ROS1: variants seen among roughly 807,000 people sequenced by gnomAD.
The protein encoded by ROS1 is ROS proto-oncogene 1, receptor tyrosine kinase, also known as proto-oncogene tyrosine-protein kinase ROS.
A neutral mutation model predicts 273.5 loss-of-function variants in ROS1; 263 were observed. The observed-to-expected ratio is 0.96, with a 90% CI of 0.87 to 1.06. ROS1 has a LOEUF of 1.06. Among genes scored for constraint, ROS1 ranks in the 50% least tolerant of loss-of-function variants. ROS1 has a pLI of 0.00. For missense variants in ROS1, 2,833 were observed against 2,751.1 expected (o/e 1.03, Z -0.67); for synonymous variants, 1,008 against 954.1 (o/e 1.06, Z -1.04).
At chr6:117,356,284 T>C (rs559586415) in intron 26 of ROS1, among the ~76,000 whole-genome samples, 1 of 152,338 alleles carries the variant, frequency 6.6e-6, no homozygotes, top group African/African-American at 2.4e-5. Flanking sequence ...CTCAGTTTCC[T>C]CATCTGTAAA....
intron 12 of ROS1, among the ~76,000 whole-genome samples, chr6:117,391,578 G>T (rs1773071140): frequency 1.3e-5 from 2 of 152,170 alleles, no homozygotes; most frequent in Non-Finnish European, 2.9e-5. Flanking sequence ...TCTAATACCA[G>T]GACAATACAC....
chr6:117,412,612 ATAG>A (rs1775008112), intron 4 of ROS1, among the ~76,000 whole-genome samples: 1 of 91,068 alleles, frequency 1.1e-5, no homozygotes, highest in South Asian at 3.7e-4. Context: ...AGACAGATAG[ATAG>A]ATAGATAGAT....
chr6:117,390,784 CA>C (rs1773005492), intron 12 of ROS1, among the ~76,000 whole-genome samples: 1 of 151,996 alleles, frequency 6.6e-6, no homozygotes, highest in Non-Finnish European at 1.5e-5. Flanking sequence ...AGAAAGAAGC[CA>C]ACGGAAGAAT....
At chr6:117,398,951 C>T (rs1413946284) in intron 7 of ROS1, among the ~76,000 whole-genome samples, 2 of 148,300 alleles carry the variant, frequency 1.3e-5, no homozygotes, top group Non-Finnish European at 3.0e-5. Flanking sequence ...CCAGCCTGGG[C>T]AACAGCGAGA....
In ROS1 at chr6:117,389,840, G is replaced by T. The variant is rs567817863; in HGVS notation, c.1296C>A (p.Val432=). 6.2e-7 allele frequency: 1 copy of T among 1,601,528 alleles called. No individual in the cohort carries two copies. Among genetic ancestry groups the T allele is most frequent in the East Asian group, 2.2e-5 (1 of 44,562 alleles). ...AAATGCCATCTCTCAGGAGGTAAAA[G>T]ACATACCTGACACAGGAACAAAAGA... ...KIVADSYNGY[V]FYLLRDGIYR... is the part of the protein sequence containing the mutation. Residue 432 remains valine (V), a synonymous_variant, in exon 13 of 44, where the codon GTC becomes GTA. Transcript: ENST00000368507.
chr6:117,341,376 G>T lies in ROS1; in HGVS notation c.4884+24C>A, dbSNP rs774128388. On this transcript the variant is annotated intron_variant, in intron 30 of 43. Transcript: ENST00000368507. ...CCTTGCACTTGAGAATGACAATAAA[G>T]AGTGCCTAGTAAACTCACTGTACCT... 40 of 1,610,864 alleles carry T rather than the reference G, an allele frequency of 2.5e-5. No individual in the cohort carries two copies. The South Asian group carries it at 4.4e-4, about 18-fold the overall frequency.
rs1043157524 is a variant in ROS1, at chr6:117,404,175, C to A, written c.465+105G>T. ...GGCGGAGCTTGCAGTAAGCTGAGAT[C>A]GCGCCACTGCACTCCAGCCTGGGCG... On this transcript the variant is annotated intron_variant, in intron 6 of 43. Transcript: ENST00000368507. 3 of 1,024,416 alleles carry A rather than the reference C, an allele frequency of 2.9e-6. No homozygotes were observed. In the Admixed American group the frequency reaches 6.8e-5, roughly 23 times the overall value. The allele number at this position is 1,024,416 out of a possible 1,614,324, so 63.5% of individuals were successfully genotyped here. A position where few individuals can be genotyped will look rare whatever the true frequency, so the allele number is the denominator to read the frequency against.
chr6:117,423,862 T>C (rs1437617338), intron 1 of ROS1, among the ~76,000 whole-genome samples: 1 of 152,194 alleles, frequency 6.6e-6, no homozygotes, highest in Non-Finnish European at 1.5e-5. Flanking sequence ...TTACATTCAA[T>C]TGTACATTCA....
At chr6:117,407,589 G>T (rs1489678086) in intron 5 of ROS1, among the ~76,000 whole-genome samples, 1 of 151,968 alleles carries the variant, frequency 6.6e-6, no homozygotes, top group South Asian at 2.1e-4. Context: ...AATAATGAAA[G>T]GTGCATTCAA....
rs543698919 is a variant in ROS1, at chr6:117,356,153, G to A, written c.4126+476C>T. Among the ~76,000 whole-genome samples, 4 of 152,242 alleles carry A rather than the reference G, an allele frequency of 2.6e-5. 1 individual carries two copies. In the South Asian group the frequency reaches 8.3e-4, roughly 31 times the overall value. On this transcript the variant is annotated intron_variant, in intron 26 of 43. Coordinates refer to ENST00000368507, the MANE Select transcript of ROS1 (RefSeq NM_001378902.1). The stretch of plus-strand genomic sequence containing the variant: ...TTCATGTTGAAAGTGGAATCTATGG[G>A]ATCATCAAAGTGGAAATAATTTAGG...
rs772549462 is a variant in ROS1 at position 117,389,567 on chromosome 6, G to A, written c.1569C>T (p.Gly523=). 1.9e-6 allele frequency: 3 copies of A among 1,614,174 alleles called. No homozygotes were observed. Among genetic ancestry groups the A allele is most frequent in the South Asian group, 2.2e-5 (2 of 91,086 alleles). Residue 523 remains glycine, a synonymous_variant, in exon 13 of 44, where the codon GGC becomes GGT. Transcript: ENST00000368507. ...AAGCATCCTGTTGGAAAATGACCTT[G>A]CCATCTGTGACAAGAAAGTCATTGT... The part of the protein sequence containing the change: ...CENNDFLVTD[G]KVIFQQDALS...
chr6:117,416,242 T>A lies in ROS1; in HGVS notation c.228+16A>T. The A allele has an allele frequency of 6.9e-7, 1 of 1,448,998 alleles. No homozygotes were observed. Among genetic ancestry groups the A allele is most frequent in the Non-Finnish European group, 9.7e-7 (1 of 1,030,412 alleles). 89.8% of individuals were successfully genotyped at this position (1,448,998 alleles called of 1,614,324 possible). A position where few individuals can be genotyped will look rare whatever the true frequency, so the allele number is the denominator to read the frequency against. ...AGAAACATCAGTATCAAAATAGAAA[T>A]CTAATTAATACTTACACACTTTAAA... is the stretch of plus-strand genomic sequence containing the variant. On this transcript the variant is annotated intron_variant, in intron 3 of 43. Coordinates refer to ENST00000368507, the MANE Select transcript of ROS1 (RefSeq NM_001378902.1).
intron 13 of ROS1, 78 bp from the exon 14 acceptor site, chr6:117,388,070 C>T (rs751267250): frequency 1.3e-6 from 2 of 1,594,292 alleles, no homozygotes; most frequent in African/African-American, 1.3e-5. Flanking sequence ...CATAAATTCA[C>T]CTACAGCCTC....
rs761151484 is a variant in ROS1 at position 117,300,974 on chromosome 6, CTTCAAAGCT to C, written c.6706_6714del (p.Ser2236_Glu2238del). On this transcript the variant is annotated inframe_deletion and splice_region_variant, in exon 43 of 44. Coordinates refer to ENST00000368507, the MANE Select transcript of ROS1 (RefSeq NM_001378902.1). The stretch of plus-strand genomic sequence containing the variant: ...GAAAATTCTGAAGAATCAAACTTAC[CTTCAAAGCT>C]TTCATTTATGACTCCACTGTTGTTT... The C allele has an allele frequency of 1.2e-5, 18 of 1,557,838 alleles. No individual in the cohort carries two copies. In the Admixed American group the frequency reaches 3.3e-4, roughly 29 times the overall value.
rs116070045 is a variant in ROS1, at chr6:117,292,806, G to A, written c.6716-4004C>T. Reference sequence around the variant, plus strand: ...CAACTTTCTCCTTTCTCTTTTTTACGCACTTAGTTGCCAAGTCCGATAGCA... The same window carrying A: ...CAACTTTCTCCTTTCTCTTTTTTACACACTTAGTTGCCAAGTCCGATAGCA... On this transcript the variant is annotated intron_variant, in intron 43 of 43. Coordinates refer to ENST00000368507, the MANE Select transcript of ROS1 (RefSeq NM_001378902.1). Among the ~76,000 whole-genome samples, 324 of 152,136 alleles carry A rather than the reference G, an allele frequency of 2.1e-3. 1 individual carries two copies. The highest frequency in any genetic ancestry group is 7.4e-3 in the African/African-American group (305 of 41,488).
In ROS1 at chr6:117,389,747, C is replaced by A. The variant is rs376538362; in HGVS notation, c.1389G>T (p.Thr463=). ...GTGGCTTGATTGCAAAGTCCTTTAA[C>A]GTGCAACTCTCCACAATACGCACAG... ...AEAVRIVESC[T]LKDFAIKPQA... The change falls in exon 13 of 44, where the codon ACG becomes ACT. Residue 463 remains threonine, a synonymous_variant. Transcript: ENST00000368507. 6.2e-7 allele frequency: 1 copy of A among 1,614,112 alleles called. No individual in the cohort carries two copies. The highest frequency in any genetic ancestry group is 1.7e-5 in the Admixed American group (1 of 60,010).
chr6:117,373,120 T>C (rs1432331529), intron 18 of ROS1, among the ~76,000 whole-genome samples: 1 of 152,210 alleles, frequency 6.6e-6, no homozygotes. Flanking sequence ...GGTGCATCCA[T>C]GAACCCTGAG....
At chr6:117,381,751 G>T (rs1029335167) in intron 17 of ROS1, among the ~76,000 whole-genome samples, 1 of 152,028 alleles carries the variant, frequency 6.6e-6, no homozygotes, top group Non-Finnish European at 1.5e-5. Context: ...TTTTCCTTTG[G>T]GGAGATACCC....
At chr6:117,302,372 G>A (rs1021710706) in intron 42 of ROS1, among the ~76,000 whole-genome samples, 1 of 152,048 alleles carries the variant, frequency 6.6e-6, no homozygotes, top group African/African-American at 2.4e-5. Context: ...GACTTCTAGA[G>A]GCATGGTGAA....
Sources: allele counts gnomAD v4.1 joint callset (sites outside exome capture counted in the v4.1 genomes callset), GRCh38; gene constraint gnomAD v4.1.1; transcripts MANE v1.5; gene names NCBI Gene and HGNC (gene_info 2026-07-23, HGNC 2026-07-21).